Variants in LHFPL3 observed in about 807,000 individuals in gnomAD.
The protein encoded by LHFPL3 is LHFPL tetraspan subfamily member 3.
LHFPL3 carries 5 observed loss-of-function variants against 19.3 expected under a neutral mutation model. The ratio of observed to expected loss-of-function variants is 0.26; its 90% CI spans 0.14 to 0.54. The LOEUF is 0.54. Ranked by LOEUF, LHFPL3 falls within the 20% of genes least tolerant of loss-of-function variation. LHFPL3 has a pLI of 0.94. For synonymous variants in LHFPL3, 133 were observed against 126.2 expected (o/e 1.05, Z -0.36); for missense variants, 249 against 307.4 (o/e 0.81, Z 1.42).
chr7:104,509,497 A>C (rs1793768720), intron 1 of LHFPL3, among the ~76,000 whole-genome samples: 1 of 152,132 alleles, frequency 6.6e-6, no homozygotes, highest in East Asian at 1.9e-4. Flanking sequence ...GATTGTATCA[A>C]TAGCTATAGA....
intron 1 of LHFPL3, among the ~76,000 whole-genome samples, chr7:104,503,383 C>T (rs1793638323): frequency 6.7e-6 from 1 of 149,658 alleles, no homozygotes; most frequent in African/African-American, 2.4e-5. Context: ...ATTGTAAGTA[C>T]TTTTTATATT....
intron 2 of LHFPL3, among the ~76,000 whole-genome samples, chr7:104,880,675 A>G (rs1470916583): frequency 6.6e-6 from 1 of 152,140 alleles, no homozygotes; most frequent in Non-Finnish European, 1.5e-5. Flanking sequence ...TGCTGAGAAA[A>G]AAAAAAAAAG....
At chr7:104,841,445 A>G (rs1562811135) in intron 2 of LHFPL3, among the ~76,000 whole-genome samples, 1 of 126,436 alleles carries the variant, frequency 7.9e-6, no homozygotes, top group Non-Finnish European at 1.7e-5. Flanking sequence ...TGAATGATCA[A>G]ACAATGATAC....
At chr7:104,830,272 T>G (rs1790924876) in intron 2 of LHFPL3, among the ~76,000 whole-genome samples, 1 of 151,910 alleles carries the variant, frequency 6.6e-6, no homozygotes, top group Admixed American at 6.5e-5. Flanking sequence ...TTTCTCCCAT[T>G]TTGTAGGTTG....
chr7:104,348,441 C>G (rs1790113818), intron 1 of LHFPL3, among the ~76,000 whole-genome samples: 1 of 152,124 alleles, frequency 6.6e-6, no homozygotes, highest in African/African-American at 2.4e-5. Context: ...AACTATGAAA[C>G]AAACTTGTTT....
intron 1 of LHFPL3, among the ~76,000 whole-genome samples, chr7:104,388,701 A>T (rs73712118): frequency 0.015 from 2,334 of 152,248 alleles, 50 homozygotes; most frequent in African/African-American, 0.053. Context: ...AACAAGTGGC[A>T]CTTATCCCAG....
chr7:104,680,480 G>A (rs1025665998), intron 1 of LHFPL3, among the ~76,000 whole-genome samples: 1 of 152,252 alleles, frequency 6.6e-6, no homozygotes. Context: ...CTGATGGTGT[G>A]ATTTGGGGGT....
At chr7:104,463,055 A>G (rs902594565) in intron 1 of LHFPL3, among the ~76,000 whole-genome samples, 1 of 152,062 alleles carries the variant, frequency 6.6e-6, no homozygotes, top group Non-Finnish European at 1.5e-5. Flanking sequence ...TCTGACAATT[A>G]TTTTTATTTC....
chr7:104,870,364 T>TA (rs1013370565), intron 2 of LHFPL3, among the ~76,000 whole-genome samples: 4 of 152,152 alleles, frequency 2.6e-5, no homozygotes, highest in African/African-American at 9.7e-5. Context: ...CTCTACCACT[T>TA]ACCAACTCTG....
intron 2 of LHFPL3, chr7:104,826,422 C>A: frequency 6.2e-6 from 1 of 162,456 alleles, no homozygotes. Flanking sequence ...ATCCCTCATC[C>A]TTCCCCTAGG....
chr7:104,727,065 C>T (rs1793605595), intron 1 of LHFPL3, among the ~76,000 whole-genome samples: 1 of 152,196 alleles, frequency 6.6e-6, no homozygotes, highest in South Asian at 2.1e-4. Flanking sequence ...TTTTGATATG[C>T]ATTTCTCTAA....
chr7:104,329,144 G>A lies in LHFPL3; in HGVS notation c.365G>A (p.Cys122Tyr), dbSNP rs764644064. 2 of 1,614,086 alleles carry A rather than the reference G, an allele frequency of 1.2e-6. No homozygotes were observed. Among genetic ancestry groups the A allele is most frequent in the Non-Finnish European group, 1.7e-6 (2 of 1,179,904 alleles). The change falls in exon 1 of 3, where the codon TGC (cysteine) becomes TAC (tyrosine). Residue 122 changes from cysteine to tyrosine, a missense_variant. By Grantham distance (194) the Cys-to-Tyr change is radical. Transcript: ENST00000424859. ...IGLSMMLIIA[C>Y]IICFTLFFFC... ...CTCTCCATGATGCTCATCATTGCCT[G>A]CATCATTTGCTTTACCCTCTTCTTC...
intron 1 of LHFPL3, among the ~76,000 whole-genome samples, chr7:104,641,251 T>G (rs1324642244): frequency 6.6e-6 from 1 of 152,216 alleles, no homozygotes; most frequent in African/African-American, 2.4e-5. Flanking sequence ...TCACCAGCAA[T>G]GCACTTGAAA....
At chr7:104,676,087 G>A (rs1792584512) in intron 1 of LHFPL3, among the ~76,000 whole-genome samples, 1 of 152,212 alleles carries the variant, frequency 6.6e-6, no homozygotes, top group Non-Finnish European at 1.5e-5. Context: ...ATGAGGAGGA[G>A]CAGCAAAGAA....
chr7:104,699,514 G>A (rs1793061218), intron 1 of LHFPL3, among the ~76,000 whole-genome samples: 1 of 152,088 alleles, frequency 6.6e-6, no homozygotes, highest in African/African-American at 2.4e-5. Context: ...AGACAGAAAG[G>A]AAAATGATGG....
At chr7:104,875,403 T>A (rs959934741) in intron 2 of LHFPL3, among the ~76,000 whole-genome samples, 1 of 152,168 alleles carries the variant, frequency 6.6e-6, no homozygotes, top group Non-Finnish European at 1.5e-5. Context: ...CTGCACTCTC[T>A]GCTAAGCTGC....
At chr7:104,345,204 T>C (rs1300047259) in intron 1 of LHFPL3, among the ~76,000 whole-genome samples, 1 of 152,200 alleles carries the variant, frequency 6.6e-6, no homozygotes, top group East Asian at 1.9e-4. Flanking sequence ...ATAAAGCTGC[T>C]CCTAATATAT....
intron 1 of LHFPL3, among the ~76,000 whole-genome samples, chr7:104,339,244 G>A (rs1411009940): frequency 7.0e-6 from 1 of 142,534 alleles, no homozygotes; most frequent in Non-Finnish European, 1.5e-5. Context: ...GCGAAACTCC[G>A]TCTCAAAAAA....
intron 1 of LHFPL3, among the ~76,000 whole-genome samples, chr7:104,389,577 A>G (rs553296668): frequency 2.6e-3 from 399 of 152,260 alleles, no homozygotes; most frequent in Non-Finnish European, 4.5e-3. Context: ...AAGAAGAAGA[A>G]CAGTTGGGGA....
Sources: allele counts gnomAD v4.1 joint callset (sites outside exome capture counted in the v4.1 genomes callset), GRCh38; gene constraint gnomAD v4.1.1; transcripts MANE v1.5; gene names NCBI Gene and HGNC (gene_info 2026-07-23, HGNC 2026-07-21).